Variants in OSMR observed in about 807,000 individuals in gnomAD.
The protein encoded by OSMR is oncostatin M receptor.
In OSMR, 81 loss-of-function variants were observed where a neutral mutation model predicts 99.9. The observed-to-expected ratio is 0.81, with a 90% CI of 0.68 to 0.97. The LOEUF (loss-of-function observed/expected upper bound fraction) is 0.97. OSMR is among the 50% of genes least tolerant of loss of function. The pLI, the probability that OSMR is intolerant of heterozygous loss-of-function variation, is 0.00. For missense variants in OSMR, 1,099 were observed against 1,153.4 expected, an observed-to-expected ratio of 0.95 and a Z score of 0.68; for synonymous variants, 406 against 410.4, an observed-to-expected ratio of 0.99 and a Z score of 0.13.
chr5:38,896,349 A>G (rs1744519106), intron 7 of OSMR, among the ~76,000 whole-genome samples: 2 of 152,022 alleles, frequency 1.3e-5, no homozygotes, highest in Admixed American at 1.3e-4. Flanking sequence ...TTTTCATTGT[A>G]GAGATACTTC....
At chr5:38,907,320 C>T (rs357253) in intron 9 of OSMR, among the ~76,000 whole-genome samples, 36,095 of 152,100 alleles carry the variant, frequency 0.24, 4,379 homozygotes, top group Admixed American at 0.28. Context: ...GCAGGAAACC[C>T]CACAACCCTC....
At chr5:38,848,320 T>C (rs2043109) in intron 1 of OSMR, among the ~76,000 whole-genome samples, 37,471 of 151,948 alleles carry the variant, frequency 0.25, 4,827 homozygotes, top group South Asian at 0.39. Flanking sequence ...GCTGGAGAAA[T>C]CCCCTCCTCC....
downstream of OSMR, chr5:38,945,284 C>T: frequency 1.6e-6 from 1 of 607,958 alleles, no homozygotes; most frequent in South Asian, 2.1e-5. Flanking sequence ...AAGACCTAAT[C>T]CAGGGATCTG....
At chr5:38,864,329 G>A (rs1452628225) in intron 1 of OSMR, among the ~76,000 whole-genome samples, 1 of 151,914 alleles carries the variant, frequency 6.6e-6, no homozygotes, top group Non-Finnish European at 1.5e-5. Flanking sequence ...TCTCATTTGT[G>A]TGTCTGTTCT....
chr5:38,936,859 AGTT>A (rs890479697), downstream of OSMR, among the ~76,000 whole-genome samples: 4 of 152,238 alleles, frequency 2.6e-5, no homozygotes, highest in African/African-American at 9.6e-5. Context: ...CATTAAGGAA[AGTT>A]GTTTTAGTAT....
In OSMR at chr5:38,895,597, TCTTCA is replaced by T. The variant is rs533424486; in HGVS notation, c.992-8281_992-8277del. On this transcript the variant is annotated intron_variant, in intron 7 of 17. Coordinates refer to ENST00000274276, the MANE Select transcript of OSMR (RefSeq NM_003999.3). Reference sequence around the variant, plus strand: ...ATGTATTCCCATTCTGTGGTTTGTCTCTTCACTTTGTTGATTGTTTCCTTTGTTGT... The same window carrying T: ...ATGTATTCCCATTCTGTGGTTTGTCTCTTTGTTGATTGTTTCCTTTGTTGT... 5.9e-5 allele frequency among the ~76,000 whole-genome samples: 9 copies of T among 152,306 alleles called. No individual in the cohort carries two copies. The East Asian group carries it at 1.7e-3, about 29-fold the overall frequency.
At chr5:38,881,365 G>A in intron 3 of OSMR, 1 of 419,270 alleles carries the variant, frequency 2.4e-6, no homozygotes, top group Non-Finnish European at 3.2e-6. Context: ...CCCGGGAATT[G>A]GAAGACCATA....
At chr5:38,859,681 C>T (rs1741124181) in intron 1 of OSMR, among the ~76,000 whole-genome samples, 1 of 152,058 alleles carries the variant, frequency 6.6e-6, no homozygotes. Flanking sequence ...CTGTAGATTG[C>T]TTTGGGTGAT....
intron 7 of OSMR, among the ~76,000 whole-genome samples, chr5:38,900,724 G>C (rs966432980): frequency 6.6e-6 from 1 of 152,122 alleles, no homozygotes; most frequent in Non-Finnish European, 1.5e-5. Context: ...GTGTAAGGCT[G>C]GATAATCCAG....
Position 38,933,586 on chromosome 5 carries a change from G to A in OSMR, c.*142G>A. 1.1e-6 allele frequency: 1 copy of A among 895,642 alleles called. No homozygotes were observed. The highest frequency in any genetic ancestry group is 1.6e-5 in the African/African-American group (1 of 60,610). The allele number at this position is 895,642 out of a possible 1,614,324, so 55.5% of individuals were successfully genotyped here. Reference sequence around the variant, plus strand: ...ATATAAGACCACTACAGTCTGGCTAGGTTAAAGGCCAGAGGCTATGGAACT... The same window carrying A: ...ATATAAGACCACTACAGTCTGGCTAAGTTAAAGGCCAGAGGCTATGGAACT... On this transcript the variant is annotated 3_prime_UTR_variant, in exon 18 of 18. Transcript: ENST00000274276.
chr5:38,945,294 G>A, downstream of OSMR: 1 of 610,178 alleles, frequency 1.6e-6, no homozygotes, highest in Non-Finnish European at 2.9e-6. Flanking sequence ...CCAGGGATCT[G>A]TCAGACTCAG....
intron 1 of OSMR, among the ~76,000 whole-genome samples, chr5:38,854,518 T>G (rs1740698148): frequency 6.6e-6 from 1 of 152,212 alleles, no homozygotes; most frequent in African/African-American, 2.4e-5. Context: ...TAATTTTTCT[T>G]TCCTTCTTTT....
chr5:38,859,366 C>T (rs1232866444), intron 1 of OSMR, among the ~76,000 whole-genome samples: 1 of 152,094 alleles, frequency 6.6e-6, no homozygotes, highest in African/African-American at 2.4e-5. Flanking sequence ...GTCCTTTCCC[C>T]AATATATGTT....
intron 11 of OSMR, among the ~76,000 whole-genome samples, chr5:38,920,126 C>A (rs1317292883): frequency 6.6e-6 from 1 of 152,174 alleles, no homozygotes; most frequent in Non-Finnish European, 1.5e-5. Flanking sequence ...TTCAAAGCAA[C>A]ACTGCTGAGA....
intron 12 of OSMR, 148 bp downstream of exon 12, chr5:38,921,942 G>A (rs1746255875): frequency 5.8e-6 from 4 of 694,580 alleles, no homozygotes; most frequent in Admixed American, 4.9e-5. Context: ...GAGTTCAGAT[G>A]TTACAAGAAT....
At chr5:38,889,048 TC>T (rs1362321273) in intron 7 of OSMR, among the ~76,000 whole-genome samples, 3 of 152,172 alleles carry the variant, frequency 2.0e-5, no homozygotes, top group African/African-American at 7.2e-5. Flanking sequence ...GTAATGATAA[TC>T]TATTTTTTTC....
downstream of OSMR, chr5:38,945,495 A>G (rs753198839): frequency 1.2e-6 from 2 of 1,601,484 alleles, no homozygotes; most frequent in Non-Finnish European, 1.7e-6. Flanking sequence ...ACTTACCTGA[A>G]TGACTACATA....
At chr5:38,859,351 A>T (rs1004640790) in intron 1 of OSMR, among the ~76,000 whole-genome samples, 6 of 152,132 alleles carry the variant, frequency 3.9e-5, no homozygotes, top group Admixed American at 3.9e-4. Flanking sequence ...TTTTTCGAAG[A>T]GTATGTCCTT....
In OSMR at chr5:38,890,710, T is replaced by G. The variant is rs1431947341; in HGVS notation, c.991+4520T>G. ...ATCTTAACTCAAGTGAAAAAGTCAA[T>G]AGATTCAGAGTAAGCAGAGAAGAAG... On this transcript the variant is annotated intron_variant, in intron 7 of 17. Coordinates refer to ENST00000274276, the MANE Select transcript of OSMR (RefSeq NM_003999.3). Among the ~76,000 whole-genome samples, 6 of 151,510 alleles carry G rather than the reference T, an allele frequency of 4.0e-5. No homozygotes were observed. In the East Asian group the frequency reaches 9.7e-4, roughly 24 times the overall value.
Sources: gnomAD v4.1 joint callset for allele counts (sites outside exome capture counted in the v4.1 genomes callset) on GRCh38, gnomAD v4.1.1 for gene constraint, MANE v1.5 for transcripts, NCBI Gene and HGNC (gene_info 2026-07-23, HGNC 2026-07-21) for gene names.